GRM1: variants seen among roughly 807,000 people sequenced by gnomAD.
The protein encoded by GRM1 is glutamate metabotropic receptor 1.
A neutral mutation model predicts 90.9 loss-of-function variants in GRM1; 33 were observed. The ratio of observed to expected loss-of-function variants is 0.36; its 90% CI spans 0.28 to 0.49. The LOEUF is 0.49. GRM1 is among the 20% of genes least tolerant of loss of function. The pLI is 0.99. For missense variants in GRM1, 1,190 were observed against 1,534.3 expected, an observed-to-expected ratio of 0.78 and a Z score of 3.75; for synonymous variants, 700 against 613.2, an observed-to-expected ratio of 1.14 and a Z score of -2.09.
Position 146,095,720 on chromosome 6 carries a change from T to C in GRM1, c.701-63628T>C, listed in dbSNP as rs934414183. 4.6e-5 allele frequency among the ~76,000 whole-genome samples: 7 copies of C among 152,242 alleles called. No homozygotes were observed. The South Asian group carries it at 1.4e-3, about 32-fold the overall frequency. On this transcript the variant is annotated intron_variant, in intron 1 of 7. Coordinates refer to ENST00000282753, the MANE Select transcript of GRM1 (RefSeq NM_001278064.2). Reference sequence around the variant, plus strand: ...GGTAGGTTTCAATAAATGTGTTGGATGAATGATGAGCTGCAATTCTGCCAT... The same window carrying C: ...GGTAGGTTTCAATAAATGTGTTGGACGAATGATGAGCTGCAATTCTGCCAT...
chr6:146,140,097 C>CTTTCTTTCTTTG (rs1776800366), intron 1 of GRM1, among the ~76,000 whole-genome samples: 1 of 85,060 alleles, frequency 1.2e-5, no homozygotes. Flanking sequence ...TTTATTCTTT[C>CTTTCTTTCTTTG]TTTCTTTCTT....
chr6:146,096,816 G>A (rs1180070139), intron 1 of GRM1, among the ~76,000 whole-genome samples: 4 of 152,054 alleles, frequency 2.6e-5, no homozygotes, highest in Non-Finnish European at 5.9e-5. Flanking sequence ...TCATAAAAAG[G>A]AAAATTTGTT....
At chr6:146,409,424 T>C (rs1777478985) in intron 7 of GRM1, among the ~76,000 whole-genome samples, 1 of 152,212 alleles carries the variant, frequency 6.6e-6, no homozygotes, top group Non-Finnish European at 1.5e-5. Context: ...TATGAAAGTT[T>C]GAGGTGTAGA....
intron 1 of GRM1, among the ~76,000 whole-genome samples, chr6:146,055,515 C>A (rs756442249): frequency 1.6e-4 from 25 of 151,888 alleles, no homozygotes; most frequent in Non-Finnish European, 3.1e-4. Context: ...GTCGTGTTAA[C>A]TTTATTATTC....
chr6:146,239,182 G>A (rs924888388), intron 2 of GRM1, among the ~76,000 whole-genome samples: 2 of 152,144 alleles, frequency 1.3e-5, no homozygotes, highest in African/African-American at 4.8e-5. Flanking sequence ...TAACACAACT[G>A]TAAAAGCTGT....
At chr6:146,091,266 G>A (rs1465606834) in intron 1 of GRM1, among the ~76,000 whole-genome samples, 2 of 152,090 alleles carry the variant, frequency 1.3e-5, no homozygotes, top group African/African-American at 4.8e-5. Context: ...TAGGCAAGGA[G>A]GCAAAGAGTA....
At chr6:146,138,747 A>T (rs1776723576) in intron 1 of GRM1, among the ~76,000 whole-genome samples, 1 of 151,926 alleles carries the variant, frequency 6.6e-6, no homozygotes, top group African/African-American at 2.4e-5. Context: ...GTATGTCTAA[A>T]GGTTTGTCTA....
chr6:146,392,180 T>C (rs989684789), intron 6 of GRM1, among the ~76,000 whole-genome samples: 4 of 152,136 alleles, frequency 2.6e-5, no homozygotes, highest in Non-Finnish European at 5.9e-5. Context: ...AATCACCAAT[T>C]AGCTTGATTT....
intron 3 of GRM1, among the ~76,000 whole-genome samples, chr6:146,317,289 C>T (rs1784009814): frequency 6.6e-6 from 1 of 152,208 alleles, no homozygotes; most frequent in African/African-American, 2.4e-5. Context: ...TCACTTTTAT[C>T]TTTGCACATT....
chr6:146,340,864 T>A (rs1413736781), intron 3 of GRM1, among the ~76,000 whole-genome samples: 1 of 152,158 alleles, frequency 6.6e-6, no homozygotes, highest in Non-Finnish European at 1.5e-5. Flanking sequence ...ATTTCTAACC[T>A]CACTCGTAGC....
intron 1 of GRM1, among the ~76,000 whole-genome samples, chr6:146,141,663 A>T (rs1428773874): frequency 6.6e-6 from 1 of 152,158 alleles, no homozygotes. Context: ...CAATTCTGCT[A>T]TTAAGAGACT....
chr6:146,430,917 C>T (rs1409382952), intron 7 of GRM1, among the ~76,000 whole-genome samples: 1 of 152,140 alleles, frequency 6.6e-6, no homozygotes, highest in Non-Finnish European at 1.5e-5. Flanking sequence ...TTAAAAACAG[C>T]AGTGCATTGT....
At chr6:146,429,354 C>A (rs1239623730) in intron 7 of GRM1, among the ~76,000 whole-genome samples, 4 of 152,242 alleles carry the variant, frequency 2.6e-5, no homozygotes, top group Admixed American at 6.5e-5. Context: ...TTCAGATAGG[C>A]CCCCAAGTTT....
At chr6:146,208,778 C>A (rs1779579340) in intron 2 of GRM1, among the ~76,000 whole-genome samples, 1 of 152,018 alleles carries the variant, frequency 6.6e-6, no homozygotes, top group African/African-American at 2.4e-5. Flanking sequence ...AATAATAATT[C>A]ATTTTGTGTT....
intron 1 of GRM1, among the ~76,000 whole-genome samples, chr6:146,151,413 A>C (rs1777330188): frequency 6.6e-6 from 1 of 152,236 alleles, no homozygotes; most frequent in South Asian, 2.1e-4. Context: ...ACTAAGTGCT[A>C]CATGATGGCT....
intron 2 of GRM1, among the ~76,000 whole-genome samples, chr6:146,198,356 C>CTAAAT (rs1562524293): frequency 1.3e-5 from 2 of 152,154 alleles, no homozygotes; most frequent in Non-Finnish European, 2.9e-5. Context: ...TCGACCCTGC[C>CTAAAT]TCCTTTAGGA....
At chr6:146,112,280 A>T (rs1001801358) in intron 1 of GRM1, among the ~76,000 whole-genome samples, 3 of 125,610 alleles carry the variant, frequency 2.4e-5, no homozygotes, top group African/African-American at 1.2e-4. Context: ...ATGATTATCT[A>T]AAAAAAAAAA....
intron 1 of GRM1, among the ~76,000 whole-genome samples, chr6:146,036,183 G>C (rs888154047): frequency 4.6e-5 from 7 of 151,940 alleles, no homozygotes; most frequent in Admixed American, 2.6e-4. Flanking sequence ...GGTTCACAAA[G>C]AGACTTATCA....
At chr6:146,338,066 C>T (rs1231031259) in intron 3 of GRM1, among the ~76,000 whole-genome samples, 1 of 152,030 alleles carries the variant, frequency 6.6e-6, no homozygotes, top group Non-Finnish European at 1.5e-5. Context: ...AATTTTACTG[C>T]AAATGATTCA....
Sources: gnomAD v4.1 joint callset for allele counts (sites outside exome capture counted in the v4.1 genomes callset) on GRCh38, gnomAD v4.1.1 for gene constraint, MANE v1.5 for transcripts, NCBI Gene and HGNC (gene_info 2026-07-23, HGNC 2026-07-21) for gene names.